The following ADAMTS12 variants were observed in gnomAD, a reference collection of about 807,000 sequenced individuals.
ADAMTS12 encodes the protein A disintegrin and metalloproteinase with thrombospondin motifs 12.
ADAMTS12 carries 118 observed loss-of-function variants against 167.8 expected under a neutral mutation model. The ratio of observed to expected loss-of-function variants is 0.70; its 90% confidence interval spans 0.61 to 0.82. The LOEUF (loss-of-function observed/expected upper bound fraction) is 0.82, where lower values mean the gene tolerates loss of function less well. ADAMTS12 is among the 40% of genes least tolerant of loss of function. The probability of loss-of-function intolerance (pLI) is 0.00; values close to 1 mark genes in which losing one functional copy is unlikely to be tolerated. For missense variants in ADAMTS12, 1,916 were observed against 1,998.8 expected, an observed-to-expected ratio of 0.96 and a Z score of 0.79; for synonymous variants, 704 against 716.9, an observed-to-expected ratio of 0.98 and a Z score of 0.29.
At position 33,576,440 on chromosome 5, in the gene ADAMTS12, G is replaced by A. The variant is rs368342144; in HGVS notation, c.3586C>T (p.Leu1196Phe). The change falls in exon 19 of 24, where the codon CTT becomes TTT. Residue 1196 changes from leucine to phenylalanine, a missense_variant. By Grantham distance (22) the Leu-to-Phe change is conservative. Transcript: ENST00000504830. ...DAPVESTEMP[L>F]APPLTPDLSR... The stretch of plus-strand genomic sequence containing the variant: ...AGATCTGGTGTTAGTGGAGGTGCAA[G>A]TGGCATTTCTGTACTTTCCACTGGA... 7 of 1,611,650 alleles carry A rather than the reference G, an allele frequency of 4.3e-6. No homozygotes were observed. The highest frequency in any genetic ancestry group is 1.3e-5 in the African/African-American group (1 of 74,840).
At position 33,573,753 on chromosome 5, in the gene ADAMTS12, C is replaced by A. The variant is rs1306394; in HGVS notation, c.3972+2301G>T. 7.2e-5 allele frequency among the ~76,000 whole-genome samples: 11 copies of A among 152,058 alleles called. 1 individual carries two copies. Among genetic ancestry groups the A allele is most frequent in the East Asian group, 1.9e-4 (1 of 5,186 alleles). On this transcript the variant is annotated intron_variant, in intron 19 of 23. Coordinates refer to ENST00000504830, the MANE Select transcript of ADAMTS12 (RefSeq NM_030955.4). ...AAGCCAAAATTGACAAATGGGATCTCATTAAACTAAAGAGCTTCTGCACAG... is the reference window on the plus strand; with the variant it reads ...AAGCCAAAATTGACAAATGGGATCTAATTAAACTAAAGAGCTTCTGCACAG...
At chr5:33,620,017 A>G (rs1314236029) in intron 14 of ADAMTS12, among the ~76,000 whole-genome samples, 1 of 152,202 alleles carries the variant, frequency 6.6e-6, no homozygotes, top group African/African-American at 2.4e-5. Context: ...ATGCTGAATC[A>G]TATCAGAGTC....
intron 16 of ADAMTS12, among the ~76,000 whole-genome samples, chr5:33,599,505 G>C (rs1738078666): frequency 1.5e-5 from 2 of 137,918 alleles, no homozygotes. Context: ...CATGAGATTT[G>C]GGAAATGGAG....
intron 16 of ADAMTS12, among the ~76,000 whole-genome samples, chr5:33,611,413 A>G (rs896594553): frequency 1.3e-5 from 2 of 152,134 alleles, no homozygotes; most frequent in African/African-American, 4.8e-5. Context: ...GTTAGTACAA[A>G]GGAATTTGTT....
chr5:33,851,883 T>TGCACACACGCATGTGCAAGC (rs1488250808), intron 2 of ADAMTS12, among the ~76,000 whole-genome samples: 3 of 152,230 alleles, frequency 2.0e-5, no homozygotes, highest in Admixed American at 2.0e-4. Context: ...CATGCTCATG[T>TGCACACACGCATGTGCAAGC]GCACACACGC....
chr5:33,596,981 C>T (rs552093226), intron 16 of ADAMTS12, among the ~76,000 whole-genome samples: 2 of 152,246 alleles, frequency 1.3e-5, no homozygotes, highest in East Asian at 3.9e-4. Context: ...GAAGCCTTGT[C>T]CCAGGCACTG....
chr5:33,891,282 G>A (rs770388150), intron 1 of ADAMTS12, among the ~76,000 whole-genome samples: 1 of 152,062 alleles, frequency 6.6e-6, no homozygotes, highest in Non-Finnish European at 1.5e-5. Flanking sequence ...CAGTAGGGGG[G>A]AAGAATCACA....
At chr5:33,809,282 CCA>C (rs1335911057) in intron 2 of ADAMTS12, among the ~76,000 whole-genome samples, 2 of 152,162 alleles carry the variant, frequency 1.3e-5, no homozygotes, top group East Asian at 3.8e-4. Context: ...GGTCCTTGGA[CCA>C]CAGTTTGAGT....
At position 33,576,129 on chromosome 5, in the gene ADAMTS12, C is replaced by T. The variant is rs774040470; in HGVS notation, c.3897G>A (p.Leu1299=). 3 of 1,614,108 alleles carry T rather than the reference C, an allele frequency of 1.9e-6. No individual in the cohort carries two copies. The South Asian group carries it at 3.3e-5, about 18-fold the overall frequency. Reference sequence around the variant, plus strand: ...GCTGCTTGTAATTGGAGGCATTTAGCAAAAAGCCCTCAGTAATCAGACTTG... The same window carrying T: ...GCTGCTTGTAATTGGAGGCATTTAGTAAAAAGCCCTCAGTAATCAGACTTG... ...DATSLITEGF[L]LNASNYKQLT... is the part of the protein sequence containing the mutation. The change falls in exon 19 of 24, where the codon TTG becomes TTA. Residue 1299 remains leucine (L), a synonymous_variant. Coordinates refer to ENST00000504830, the MANE Select transcript of ADAMTS12 (RefSeq NM_030955.4).
At chr5:33,783,643 C>T (rs2112445620) in intron 2 of ADAMTS12, among the ~76,000 whole-genome samples, 1 of 151,944 alleles carries the variant, frequency 6.6e-6, no homozygotes, top group East Asian at 1.9e-4. Context: ...TAGAAAATTC[C>T]TAGCAAGACA....
chr5:33,562,835 T>C (rs1480724706), intron 19 of ADAMTS12, among the ~76,000 whole-genome samples: 1 of 152,168 alleles, frequency 6.6e-6, no homozygotes, highest in Non-Finnish European at 1.5e-5. Flanking sequence ...CTTCACCATA[T>C]TGACCAGGCT....
intron 3 of ADAMTS12, among the ~76,000 whole-genome samples, chr5:33,717,966 G>A (rs1743672956): frequency 6.6e-6 from 1 of 152,176 alleles, no homozygotes; most frequent in South Asian, 2.1e-4. Context: ...ACAAACTTCT[G>A]TGTATTCTGT....
chr5:33,620,089 T>C (rs763398814), intron 14 of ADAMTS12, among the ~76,000 whole-genome samples: 17 of 152,248 alleles, frequency 1.1e-4, no homozygotes, highest in Non-Finnish European at 1.8e-4. Context: ...ACATGAAAGA[T>C]AAAAAGTTTC....
At chr5:33,802,916 T>A (rs1049654988) in intron 2 of ADAMTS12, among the ~76,000 whole-genome samples, 4 of 152,208 alleles carry the variant, frequency 2.6e-5, no homozygotes, top group Admixed American at 2.6e-4. Context: ...AAATGCTTAC[T>A]GAGGAACTCT....
intron 6 of ADAMTS12, among the ~76,000 whole-genome samples, chr5:33,661,032 A>G (rs926418137): frequency 6.6e-6 from 1 of 152,056 alleles, no homozygotes; most frequent in African/African-American, 2.4e-5. Flanking sequence ...CTATCCTCCA[A>G]AGGGACAGTG....
At chr5:33,535,312 G>A (rs564962949) in intron 22 of ADAMTS12, among the ~76,000 whole-genome samples, 77 of 152,282 alleles carry the variant, frequency 5.1e-4, no homozygotes, top group African/African-American at 1.9e-3. Flanking sequence ...AGGAACCTAC[G>A]TTGGTGCCGT....
chr5:33,571,745 A>G (rs1746362461), intron 19 of ADAMTS12, among the ~76,000 whole-genome samples: 1 of 149,942 alleles, frequency 6.7e-6, no homozygotes, highest in Admixed American at 6.6e-5. Context: ...AATAACTAAA[A>G]TCAGAGCAGA....
intron 2 of ADAMTS12, among the ~76,000 whole-genome samples, chr5:33,878,560 A>G (rs897963783): frequency 2.0e-5 from 3 of 152,184 alleles, no homozygotes; most frequent in African/African-American, 7.2e-5. Flanking sequence ...ACAATATGCA[A>G]TTTCCCTTAG....
At chr5:33,807,758 G>A (rs1257704157) in intron 2 of ADAMTS12, among the ~76,000 whole-genome samples, 1 of 152,182 alleles carries the variant, frequency 6.6e-6, no homozygotes, top group Admixed American at 6.5e-5. Context: ...ACATACCTGG[G>A]CAAGCGCAAA....
Sources: allele counts gnomAD v4.1 joint callset (sites outside exome capture counted in the v4.1 genomes callset), GRCh38; gene constraint gnomAD v4.1.1; transcripts MANE v1.5; gene names NCBI Gene and HGNC (gene_info 2026-07-23, HGNC 2026-07-21).